Variants in GALNTL5 observed in about 807,000 individuals in gnomAD.
The protein encoded by GALNTL5 is polypeptide N-acetylgalactosaminyltransferase like 5, also known as inactive polypeptide N-acetylgalactosaminyltransferase-like protein 5.
A neutral mutation model predicts 51.0 loss-of-function variants in GALNTL5; 44 were observed. That is an observed-to-expected ratio of 0.86 (90% CI 0.68 to 1.11). The LOEUF is 1.11. Ranked by LOEUF, GALNTL5 falls within the 50% of genes least tolerant of loss-of-function variation. GALNTL5 has a pLI of 0.00. For missense variants in GALNTL5, 528 were observed against 531.8 expected, an observed-to-expected ratio of 0.99 and a Z score of 0.07; for synonymous variants, 192 against 182.8, an observed-to-expected ratio of 1.05 and a Z score of -0.41.
chr7:152,019,649 C>T lies in GALNTL5; in HGVS notation c.1180C>T (p.Gln394Ter). ...VHVWLDEYKE[Q>*]FFLRKPGLKY... ...CTGACTCTATATTTTCATTTAGGAG[C>T]AGTTTTTTCTTCGAAAGCCTGGTCT... The change falls in exon 9 of 9, where the codon CAG becomes TAG. Residue 394 changes from glutamine (Q) to a stop codon, truncating the protein, a stop_gained. Coordinates refer to ENST00000392800, the MANE Select transcript of GALNTL5 (RefSeq NM_145292.4). LOFTEE classifies it high-confidence loss of function. The T allele has an allele frequency of 6.2e-7, 1 of 1,608,504 alleles. No homozygotes were observed. Among genetic ancestry groups the T allele is most frequent in the Non-Finnish European group, 8.5e-7 (1 of 1,176,866 alleles).
At chr7:151,967,615 T>A in intron 2 of GALNTL5, 122 bp downstream of exon 2, 9 of 705,978 alleles carry the variant, frequency 1.3e-5, no homozygotes, top group Non-Finnish European at 2.0e-5. Flanking sequence ...ATATAAATTA[T>A]TTTATATAGT....
chr7:151,969,128 T>A (rs912950695), intron 2 of GALNTL5, among the ~76,000 whole-genome samples: 2 of 152,194 alleles, frequency 1.3e-5, no homozygotes, highest in African/African-American at 4.8e-5. Context: ...AATTTTCGGT[T>A]TTTTATTTTT....
At chr7:151,991,513 T>G (rs1198553147) in intron 5 of GALNTL5, among the ~76,000 whole-genome samples, 1 of 152,254 alleles carries the variant, frequency 6.6e-6, no homozygotes, top group African/African-American at 2.4e-5. Context: ...GTAATTTTTT[T>G]CAGAATGAAT....
At chr7:152,006,316 G>T (rs2081641409) in intron 6 of GALNTL5, among the ~76,000 whole-genome samples, 1 of 152,240 alleles carries the variant, frequency 6.6e-6, no homozygotes, top group Non-Finnish European at 1.5e-5. Flanking sequence ...GGGAATTAGA[G>T]ATAGTGATGG....
At chr7:151,997,793 G>A (rs1170200320) in intron 5 of GALNTL5, among the ~76,000 whole-genome samples, 1 of 152,128 alleles carries the variant, frequency 6.6e-6, no homozygotes, top group East Asian at 1.9e-4. Flanking sequence ...TGTTTTTGTT[G>A]CAGTTGTTGT....
At chr7:151,964,988 T>C (rs1211829805) in intron 1 of GALNTL5, among the ~76,000 whole-genome samples, 2 of 152,206 alleles carry the variant, frequency 1.3e-5, no homozygotes, top group Non-Finnish European at 2.9e-5. Flanking sequence ...AGTGACACTC[T>C]TGGTTTTAGC....
rs1201323767 is a variant in GALNTL5, at chr7:152,004,196, T to C, written c.908+1233T>C. 5.3e-5 allele frequency among the ~76,000 whole-genome samples: 8 copies of C among 151,848 alleles called. No homozygotes were observed. In the South Asian group the frequency reaches 1.2e-3, roughly 24 times the overall value. On this transcript the variant is annotated intron_variant, in intron 6 of 8. Coordinates refer to ENST00000392800, the MANE Select transcript of GALNTL5 (RefSeq NM_145292.4). ...ATTTTTATGGACTATCACATAATCATTAAAGTTAAGTTTTCAAGGGCTAAT... is the reference window on the plus strand; with the variant it reads ...ATTTTTATGGACTATCACATAATCACTAAAGTTAAGTTTTCAAGGGCTAAT...
At chr7:151,981,652 C>T (rs1250130556) in intron 3 of GALNTL5, among the ~76,000 whole-genome samples, 1 of 136,188 alleles carries the variant, frequency 7.3e-6, no homozygotes, top group East Asian at 2.4e-4. Context: ...CTCTCTCTCT[C>T]CCTCCCTCCC....
chr7:151,991,105 G>A (rs1024806447), intron 5 of GALNTL5, among the ~76,000 whole-genome samples: 7 of 148,594 alleles, frequency 4.7e-5, no homozygotes, highest in Non-Finnish European at 1.0e-4. Flanking sequence ...GTTGTTTGTT[G>A]TTGTTGAGAT....
chr7:151,964,990 G>C (rs2081040356), intron 1 of GALNTL5, among the ~76,000 whole-genome samples: 1 of 152,282 alleles, frequency 6.6e-6, no homozygotes, highest in African/African-American at 2.4e-5. Flanking sequence ...TGACACTCTT[G>C]GTTTTAGCCC....
intron 7 of GALNTL5, among the ~76,000 whole-genome samples, chr7:152,010,126 T>C (rs1276032034): frequency 6.6e-6 from 1 of 152,148 alleles, no homozygotes; most frequent in Non-Finnish European, 1.5e-5. Flanking sequence ...CTTCTTTTTT[T>C]TTTTTGAGAC....
At chr7:151,979,179 G>A (rs7784851) in intron 3 of GALNTL5, among the ~76,000 whole-genome samples, 6,393 of 140,634 alleles carry the variant, frequency 0.045, 452 homozygotes, top group African/African-American at 0.16. Context: ...GTGCCATCTC[G>A]GCTCACTGCA....
intron 1 of GALNTL5, among the ~76,000 whole-genome samples, chr7:151,963,213 T>C (rs11978256): frequency 0.42 from 64,253 of 152,116 alleles, 13,988 homozygotes; most frequent in Middle Eastern, 0.56. Flanking sequence ...CAAATGTTTG[T>C]ATGATTGCGT....
At chr7:151,994,229 G>A (rs914614866) in intron 5 of GALNTL5, among the ~76,000 whole-genome samples, 2 of 152,216 alleles carry the variant, frequency 1.3e-5, no homozygotes, top group African/African-American at 4.8e-5. Context: ...GTGGGCAGGT[G>A]AGGCAGCAGC....
Position 151,973,758 on chromosome 7 carries a change from A to G in GALNTL5, c.368+2693A>G, listed in dbSNP as rs549855532. On this transcript the variant is annotated intron_variant, in intron 3 of 8. Transcript: ENST00000392800. ...TTGGGAAGGCGTGATTGGTTTTGAA[A>G]TGTGAAATGAGATTTGGGAGGGGCC... 2.7e-5 allele frequency among the ~76,000 whole-genome samples: 4 copies of G among 148,922 alleles called. No individual in the cohort carries two copies. The East Asian group carries it at 8.0e-4, about 30-fold the overall frequency.
At chr7:151,991,629 C>G (rs2081430135) in intron 5 of GALNTL5, among the ~76,000 whole-genome samples, 1 of 152,140 alleles carries the variant, frequency 6.6e-6, no homozygotes, top group Admixed American at 6.5e-5. Context: ...GGGTCTATTT[C>G]CAGCATCTCT....
intron 3 of GALNTL5, among the ~76,000 whole-genome samples, chr7:151,982,224 C>G (rs1352889072): frequency 6.6e-6 from 1 of 151,842 alleles, no homozygotes; most frequent in Non-Finnish European, 1.5e-5. Context: ...ACCAGCCTGG[C>G]CAACATGGTG....
rs138613971 is a variant in GALNTL5 at position 151,999,646 on chromosome 7, ATCT to A, written c.659-3063_659-3061del. On this transcript the variant is annotated intron_variant, in intron 5 of 8. Transcript: ENST00000392800. ...TTGTGTGCTTGCTAGCCATTCGTAC[ATCT>A]TCTTAGGAGAACCAGATGTTATTTT... Among the ~76,000 whole-genome samples, 1,512 of 152,286 alleles carry A rather than the reference ATCT, an allele frequency of 9.9e-3. 21 individuals carry two copies. The highest frequency in any genetic ancestry group is 0.032 in the African/African-American group (1,332 of 41,548).
At position 152,002,805 on chromosome 7, in the gene GALNTL5, G is replaced by A. The variant is rs774364769; in HGVS notation, c.750G>A (p.Met250Ile). 6.2e-7 allele frequency: 1 copy of A among 1,614,132 alleles called. No individual in the cohort carries two copies. Among genetic ancestry groups the A allele is most frequent in the East Asian group, 2.2e-5 (1 of 44,866 alleles). ...LLHAIAKDPK[M>I]VVCPLIDVID... ...ATGCCATTGCCAAGGACCCCAAAAT[G>A]GTGGTGTGCCCCCTGATAGATGTCA... Residue 250 changes from methionine (M) to isoleucine (I), a missense_variant, in exon 6 of 9, where the codon ATG becomes ATA. Coordinates refer to ENST00000392800, the MANE Select transcript of GALNTL5 (RefSeq NM_145292.4).
Sources: allele counts gnomAD v4.1 joint callset (sites outside exome capture counted in the v4.1 genomes callset), GRCh38; gene constraint gnomAD v4.1.1; transcripts MANE v1.5; gene names NCBI Gene and HGNC (gene_info 2026-07-23, HGNC 2026-07-21).